RSPRY1: variants seen among roughly 807,000 people sequenced by gnomAD.
RSPRY1 encodes ring finger and SPRY domain containing 1.
RSPRY1 carries 23 observed loss-of-function variants against 73.1 expected under a neutral mutation model. The observed-to-expected ratio is 0.31, with a 90% CI of 0.23 to 0.45. The LOEUF is 0.45. RSPRY1 is among the 20% of genes least tolerant of loss of function. The pLI is 1.00. For missense variants in RSPRY1, 448 were observed against 698.7 expected, an observed-to-expected ratio of 0.64 and a Z score of 4.05; for synonymous variants, 226 against 251.4, an observed-to-expected ratio of 0.90 and a Z score of 0.95.
At chr16:57,214,186 G>GTCATAAGA (rs1847670138) in intron 6 of RSPRY1, among the ~76,000 whole-genome samples, 1 of 152,192 alleles carries the variant, frequency 6.6e-6, no homozygotes, top group Admixed American at 6.5e-5. Flanking sequence ...TTTAAATTTA[G>GTCATAAGA]TCATAAGATA....
At chr16:57,208,302 CTTTTTTTTTTTTT>C (rs34138044) in intron 3 of RSPRY1, among the ~76,000 whole-genome samples, 192 bp downstream of exon 3, 1 of 79,202 alleles carries the variant, frequency 1.3e-5, no homozygotes, top group African/African-American at 5.6e-5. Flanking sequence ...CATATTATAC[CTTTTTTTTTTTTT>C]TTTTTTTTTT....
intron 9 of RSPRY1, 83 bp downstream of exon 9, chr16:57,220,930 C>A: frequency 1.0e-6 from 1 of 975,896 alleles, no homozygotes. Context: ...TGTCTTAGGG[C>A]TGGTGCTTCC....
chr16:57,219,478 C>T (rs1216061041), intron 8 of RSPRY1, among the ~76,000 whole-genome samples: 1 of 152,136 alleles, frequency 6.6e-6, no homozygotes, highest in Non-Finnish European at 1.5e-5. Flanking sequence ...AATGTCTATT[C>T]GGATGTTTTG....
rs1444408485 is a variant in RSPRY1, at chr16:57,198,162, G to A, written c.-155-6342G>A. On this transcript the variant is annotated intron_variant, in intron 1 of 14. Transcript: ENST00000394420. Reference sequence around the variant, plus strand: ...GCATTTTGGGAGGCCGAGGCAGGCGGATCACGAGGTCAGGAGATCGAGACT... The same window carrying A: ...GCATTTTGGGAGGCCGAGGCAGGCGAATCACGAGGTCAGGAGATCGAGACT... 2.6e-5 allele frequency among the ~76,000 whole-genome samples: 4 copies of A among 152,122 alleles called. No homozygotes were observed. In the East Asian group the frequency reaches 7.7e-4, roughly 29 times the overall value.
rs759793278 is a variant in RSPRY1 at position 57,213,920 on chromosome 16, A to G, written c.676A>G (p.Ile226Val). 7.5e-6 allele frequency: 12 copies of G among 1,609,014 alleles called. No individual in the cohort carries two copies. Among genetic ancestry groups the G allele is most frequent in the Non-Finnish European group, 1.0e-5 (12 of 1,175,268 alleles). ...AAGTATAGGTTTACTTAGCCCAGGA[A>G]TACTGGAATACTTGCTACAGTGTCT... ...PASIGLLSPG[I>V]LEYLLQCLKL... is the part of the protein sequence containing the mutation. The change falls in exon 6 of 15, where the codon ATA (isoleucine) becomes GTA (valine). Residue 226 changes from isoleucine (I) to valine (V), a missense_variant. Physicochemically the swap from Ile to Val is conservative, Grantham distance 29. Transcript: ENST00000394420.
intron 4 of RSPRY1, among the ~76,000 whole-genome samples, chr16:57,210,586 C>T (rs1371293957): frequency 6.6e-6 from 1 of 151,854 alleles, no homozygotes; most frequent in South Asian, 2.1e-4. Context: ...TGGTGGCAGG[C>T]ACCTGTAATC....
chr16:57,194,481 C>T (rs372645078), intron 1 of RSPRY1, among the ~76,000 whole-genome samples: 49 of 151,888 alleles, frequency 3.2e-4, no homozygotes, highest in African/African-American at 1.2e-3. Context: ...GGGAAAAATC[C>T]GAAAACATTT....
chr16:57,194,139 A>T (rs1382737389), intron 1 of RSPRY1, among the ~76,000 whole-genome samples: 2 of 152,236 alleles, frequency 1.3e-5, no homozygotes, highest in African/African-American at 2.4e-5. Context: ...TTGAAGTCTA[A>T]TTAGTGATAT....
At chr16:57,210,073 T>TCC (rs200183473) in intron 4 of RSPRY1, among the ~76,000 whole-genome samples, 2 of 132,144 alleles carry the variant, frequency 1.5e-5, no homozygotes, top group African/African-American at 2.8e-5. Context: ...CTTCCTTCCT[T>TCC]CTTTCCTTCC....
intron 4 of RSPRY1, among the ~76,000 whole-genome samples, chr16:57,210,057 TCCTC>T (rs1363499736): frequency 9.7e-6 from 1 of 103,102 alleles, no homozygotes; most frequent in African/African-American, 3.6e-5. Context: ...CTTCCTCCCT[TCCTC>T]CCTTCCTTCC....
intron 10 of RSPRY1, among the ~76,000 whole-genome samples, chr16:57,226,085 A>T (rs1433599228): frequency 2.0e-5 from 3 of 152,120 alleles, no homozygotes; most frequent in Non-Finnish European, 2.9e-5. Flanking sequence ...TCTCAAAGAA[A>T]AAAAAAGAAG....
chr16:57,208,027 C>T, intron 2 of RSPRY1, 31 bp from the exon 3 acceptor site: 3 of 1,387,208 alleles, frequency 2.2e-6, no homozygotes, highest in Non-Finnish European at 3.0e-6. Context: ...ATTATTTCCT[C>T]AGGTTTAATG....
chr16:57,232,410 G>A (rs369909889), intron 13 of RSPRY1, among the ~76,000 whole-genome samples: 1 of 152,158 alleles, frequency 6.6e-6, no homozygotes, highest in Admixed American at 6.5e-5. Context: ...ATATGTTCCC[G>A]CTCAGGGTTC....
chr16:57,201,157 C>T (rs2074590700), intron 1 of RSPRY1, among the ~76,000 whole-genome samples: 2 of 151,520 alleles, frequency 1.3e-5, no homozygotes, highest in Non-Finnish European at 2.9e-5. Context: ...CCTCACTTCT[C>T]AGACGGTGTG....
intron 4 of RSPRY1, among the ~76,000 whole-genome samples, chr16:57,212,115 C>T (rs1172618682): frequency 6.6e-6 from 1 of 152,076 alleles, no homozygotes; most frequent in Non-Finnish European, 1.5e-5. Flanking sequence ...AGTTCAAGAC[C>T]AGCCTGGGCA....
chr16:57,225,718 T>A (rs2075110327), intron 10 of RSPRY1, among the ~76,000 whole-genome samples: 1 of 152,212 alleles, frequency 6.6e-6, no homozygotes, highest in Non-Finnish European at 1.5e-5. Flanking sequence ...CAAAATAATT[T>A]CTTAAGATCT....
At chr16:57,235,385 A>G (rs2075285304) in intron 14 of RSPRY1, among the ~76,000 whole-genome samples, 157 bp downstream of exon 14, 1 of 152,238 alleles carries the variant, frequency 6.6e-6, no homozygotes, top group Non-Finnish European at 1.5e-5. Context: ...AAATAGAAGC[A>G]GCTGCTTGAT....
chr16:57,217,987 T>A (rs1031254647), intron 8 of RSPRY1, among the ~76,000 whole-genome samples: 2 of 152,252 alleles, frequency 1.3e-5, no homozygotes, highest in African/African-American at 2.4e-5. Context: ...GTGCTGCCTT[T>A]CCTAGCATTT....
At chr16:57,188,115 C>G (rs763877610) in intron 1 of RSPRY1, among the ~76,000 whole-genome samples, 10 of 152,184 alleles carry the variant, frequency 6.6e-5, no homozygotes, top group South Asian at 6.2e-4. Flanking sequence ...TGTGGTAGCC[C>G]TAGACTATAG....
Sources: gnomAD v4.1 joint callset for allele counts (sites outside exome capture counted in the v4.1 genomes callset) on GRCh38, gnomAD v4.1.1 for gene constraint, MANE v1.5 for transcripts, NCBI Gene and HGNC (gene_info 2026-07-23, HGNC 2026-07-21) for gene names.